The following IL21R variants were observed in gnomAD, a reference collection of about 807,000 sequenced individuals.
IL21R encodes the protein interleukin-21 receptor.
In IL21R, 14 loss-of-function variants were observed where a neutral mutation model predicts 41.3. The ratio of observed to expected loss-of-function variants is 0.34; its 90% confidence interval spans 0.22 to 0.53. IL21R has a LOEUF of 0.53. Among genes scored for constraint, IL21R ranks in the 20% least tolerant of loss-of-function variants. The probability of loss-of-function intolerance (pLI) is 0.94; values close to 1 mark genes in which losing one functional copy is unlikely to be tolerated. For synonymous variants in IL21R, 286 were observed against 287.6 expected (o/e 0.99, Z 0.05); for missense variants, 588 against 681.6 (o/e 0.86, Z 1.53).
intron 6 of IL21R, 49 bp from the exon 7 acceptor site, chr16:27,445,128 C>A: frequency 7.3e-7 from 1 of 1,366,746 alleles, no homozygotes; most frequent in Non-Finnish European, 1.0e-6. Flanking sequence ...CCCCATATGG[C>A]CTCTGGTAGA....
chr16:27,423,099 T>A (rs1465930511), intron 1 of IL21R, among the ~76,000 whole-genome samples: 1 of 152,192 alleles, frequency 6.6e-6, no homozygotes, highest in Non-Finnish European at 1.5e-5. Context: ...TAGCAGGTGT[T>A]TTTTTGCTAA....
Position 27,443,115 on chromosome 16 carries a change from T to C in IL21R, c.506T>C (p.Val169Ala). The C allele has an allele frequency of 6.2e-7, 1 of 1,607,304 alleles. No homozygotes were observed. The highest frequency in any genetic ancestry group is 1.1e-5 in the South Asian group (1 of 89,946). Residue 169 changes from valine to alanine, a missense_variant and splice_region_variant, in exon 5 of 9, where the codon GTG (valine) becomes GCG (alanine). Physicochemically the swap from Val to Ala is moderately conservative, Grantham distance 64 (BLOSUM62 0). Transcript: ENST00000337929. ...AGGAACCGGGGAGACCCCTGGGCTGTGGTGAGGAATGTGGGGATCAGTGCA... is the reference window on the plus strand; with the variant it reads ...AGGAACCGGGGAGACCCCTGGGCTGCGGTGAGGAATGTGGGGATCAGTGCA... The part of the protein sequence containing the change: ...QYRNRGDPWA[V>A]SPRRKLISVD...
Position 27,449,273 on chromosome 16 carries a change from A to G in IL21R, c.1607A>G (p.Gln536Arg), listed in dbSNP as rs2087547912. ...IPPPLSSPGP[Q>R]AS ...CCGCCACTTTCGAGCCCTGGACCCC[A>G]GGCCAGCTAATGAGGCTGACTGGAT... is the stretch of plus-strand genomic sequence containing the variant. The change falls in exon 9 of 9, where the codon CAG becomes CGG. Residue 536 changes from glutamine (Q) to arginine (R), a missense_variant. Transcript: ENST00000337929. 5 of 1,596,474 alleles carry G rather than the reference A, an allele frequency of 3.1e-6. No individual in the cohort carries two copies. In the South Asian group the frequency reaches 3.4e-5, roughly 11 times the overall value.
At chr16:27,445,958 G>A (rs768589362) in intron 7 of IL21R, 49 bp from the exon 8 acceptor site, 2 of 1,489,348 alleles carry the variant, frequency 1.3e-6, no homozygotes, top group Admixed American at 1.8e-5. Context: ...TGGGAGGCCA[G>A]GCTGCCCTCT....
At chr16:27,431,596 T>A (rs2087172910) in intron 2 of IL21R, among the ~76,000 whole-genome samples, 1 of 152,038 alleles carries the variant, frequency 6.6e-6, no homozygotes, top group East Asian at 1.9e-4. Context: ...TTCTGGAGGC[T>A]GGGAAGTCCA....
intron 1 of IL21R, among the ~76,000 whole-genome samples, chr16:27,412,865 C>A (rs1222455261): frequency 6.6e-6 from 1 of 151,864 alleles, no homozygotes; most frequent in Non-Finnish European, 1.5e-5. Context: ...TAGTTCTAAC[C>A]ATTTTTTTAA....
chr16:27,419,816 TTTATTATTATTATTA>T (rs57138211), intron 1 of IL21R, among the ~76,000 whole-genome samples: 53,133 of 147,948 alleles, frequency 0.36, 9,880 homozygotes, highest in East Asian at 0.51. Context: ...AGTAACATAG[TTTATTATTATTATTA>T]TTATTATTAT....
In IL21R at chr16:27,443,053, C is replaced by T. The variant is rs1314669006; in HGVS notation, c.444C>T (p.Tyr148=). 5 of 1,614,036 alleles carry T rather than the reference C, an allele frequency of 3.1e-6. No individual in the cohort carries two copies. The highest frequency in any genetic ancestry group is 2.2e-5 in the East Asian group (1 of 44,878). The change falls in exon 5 of 9, where the codon TAC becomes TAT. Residue 148 remains tyrosine, a synonymous_variant. Transcript: ENST00000337929. ...CAGATTACGAAGACCCTGCCTTCTA[C>T]ATGCTGAAGGGCAAGCTTCAGTATG... The part of the protein sequence containing the change: ...WRSDYEDPAF[Y]MLKGKLQYEL...
rs906382593 is a variant in IL21R at position 27,449,513 on chromosome 16, G to A, written c.*230G>A. 12 of 568,316 alleles carry A rather than the reference G, an allele frequency of 2.1e-5. No homozygotes were observed. The highest frequency in any genetic ancestry group is 1.9e-4 in the African/African-American group (10 of 53,432). The allele number at this position is 568,316 out of a possible 1,614,324, so 35.2% of individuals were successfully genotyped here. On this transcript the variant is annotated 3_prime_UTR_variant, in exon 9 of 9. Coordinates refer to ENST00000337929, the MANE Select transcript of IL21R (RefSeq NM_181078.3). ...CAGTGGCATGTCCACGTGTGTGTGT[G>A]ATTGCACGTGCCTGTGGGCCTGGGA...
Position 27,449,048 on chromosome 16 carries a change from G to T in IL21R, c.1382G>T (p.Gly461Val). The stretch of plus-strand genomic sequence containing the variant: ...CTTGCAGATGGGGAGGACTGGGCTG[G>T]GGGACTGCCCTGGGGTGGCCGGTCA... The part of the protein sequence containing the change: ...PPLADGEDWA[G>V]GLPWGGRSPG... The change falls in exon 9 of 9, where the codon GGG becomes GTG. Residue 461 changes from glycine (G) to valine (V), a missense_variant. Physicochemically the swap from Gly to Val is moderately radical, Grantham distance 109. Coordinates refer to ENST00000337929, the MANE Select transcript of IL21R (RefSeq NM_181078.3). The T allele has an allele frequency of 6.2e-7, 1 of 1,612,406 alleles. No homozygotes were observed. The highest frequency in any genetic ancestry group is 2.2e-5 in the East Asian group (1 of 44,880).
At chr16:27,440,286 A>AGAGAGAGAGAG (rs1567370101) in intron 4 of IL21R, among the ~76,000 whole-genome samples, 8 of 105,452 alleles carry the variant, frequency 7.6e-5, no homozygotes, top group African/African-American at 3.5e-4. Context: ...GAGAGCGAGC[A>AGAGAGAGAGAG]AGCGCGCGCC....
Position 27,445,179 on chromosome 16 carries a change from T to C in IL21R, c.688T>C (p.Leu230=), listed in dbSNP as rs931608584. 1.9e-6 allele frequency: 3 copies of C among 1,610,334 alleles called. No individual in the cohort carries two copies. The highest frequency in any genetic ancestry group is 1.7e-6 in the Non-Finnish European group (2 of 1,176,716). ...CCCTTTCTTTGCTTCCTTCCCAGAG[T>C]TAAAGGAAGGCTGGAACCCTCACCT... is the stretch of plus-strand genomic sequence containing the variant. ...PVIFQTQSEE[L]KEGWNPHLLL... Residue 230 remains leucine, a splice_region_variant and synonymous_variant, in exon 7 of 9, where the codon TTA becomes CTA. Transcript: ENST00000337929.
intron 4 of IL21R, among the ~76,000 whole-genome samples, chr16:27,438,063 T>C (rs1258436780): frequency 6.6e-6 from 1 of 152,128 alleles, no homozygotes. Flanking sequence ...TATTTTTTAC[T>C]AAAGTGTGAA....
intron 2 of IL21R, among the ~76,000 whole-genome samples, chr16:27,431,231 T>C (rs2087165962): frequency 6.6e-6 from 1 of 152,240 alleles, no homozygotes; most frequent in Non-Finnish European, 1.5e-5. Context: ...CAAGCTTTGA[T>C]TTTCCCTTTC....
intron 1 of IL21R, among the ~76,000 whole-genome samples, chr16:27,409,573 T>C (rs1478392729): frequency 6.6e-6 from 1 of 150,806 alleles, no homozygotes; most frequent in Non-Finnish European, 1.5e-5. Flanking sequence ...CAAGGTTTAC[T>C]TTTTCCATAT....
At chr16:27,439,589 TCA>T (rs1218684427) in intron 4 of IL21R, among the ~76,000 whole-genome samples, 2 of 150,706 alleles carry the variant, frequency 1.3e-5, no homozygotes, top group South Asian at 2.1e-4. Context: ...ATGCACACAC[TCA>T]CACATGCATT....
At chr16:27,434,519 G>A (rs921412530) in intron 3 of IL21R, 70 bp downstream of exon 3, 5 of 972,106 alleles carry the variant, frequency 5.1e-6, no homozygotes, top group Non-Finnish European at 6.5e-6. Context: ...TCCCCCAGGA[G>A]GACACTGTGC....
At position 27,434,494 on chromosome 16, in the gene IL21R, T is replaced by C. The variant is rs2087232428; in HGVS notation, c.152+45T>C. ...CAGTCCCCGGGGATGCAATTCAGGG[T>C]GCCTGCTCAGTGATTCCCCCAGGAG... On this transcript the variant is annotated intron_variant, in intron 3 of 8. Coordinates refer to ENST00000337929, the MANE Select transcript of IL21R (RefSeq NM_181078.3). 5 of 1,271,802 alleles carry C rather than the reference T, an allele frequency of 3.9e-6. No homozygotes were observed. In the East Asian group the frequency reaches 1.2e-4, roughly 30 times the overall value. The allele number at this position is 1,271,802 out of a possible 1,614,324, so 78.8% of individuals were successfully genotyped here.
At chr16:27,411,757 C>T (rs1567356041) in intron 1 of IL21R, among the ~76,000 whole-genome samples, 1 of 152,128 alleles carries the variant, frequency 6.6e-6, no homozygotes, top group African/African-American at 2.4e-5. Flanking sequence ...AGCCACCACA[C>T]CCGGCCATTT....
Sources: gnomAD v4.1 joint callset for allele counts (sites outside exome capture counted in the v4.1 genomes callset) on GRCh38, gnomAD v4.1.1 for gene constraint, MANE v1.5 for transcripts, NCBI Gene and HGNC (gene_info 2026-07-23, HGNC 2026-07-21) for gene names.